CLSTN1: variants seen among roughly 807,000 people sequenced by gnomAD.
CLSTN1 encodes calsyntenin 1.
A neutral mutation model predicts 108.3 loss-of-function variants in CLSTN1; 28 were observed. The observed-to-expected ratio is 0.26, with a 90% CI of 0.19 to 0.35. The LOEUF (loss-of-function observed/expected upper bound fraction) is 0.35, where lower values mean the gene tolerates loss of function less well. CLSTN1 is among the 10% of genes least tolerant of loss of function. CLSTN1 has a pLI of 1.00. For missense variants in CLSTN1, 1,157 were observed against 1,302.6 expected (o/e 0.89, Z 1.72); for synonymous variants, 524 against 534.9 (o/e 0.98, Z 0.28).
rs1441330789 is a variant in CLSTN1, at chr1:9,741,078, G to A, written c.1519+16C>T. 2 of 1,608,368 alleles carry A rather than the reference G, an allele frequency of 1.2e-6. No homozygotes were observed. Among genetic ancestry groups the A allele is most frequent in the African/African-American group, 1.3e-5 (1 of 74,786 alleles). On this transcript the variant is annotated intron_variant, in intron 10 of 18. Coordinates refer to ENST00000377298, the MANE Select transcript of CLSTN1 (RefSeq NM_001009566.3). ...ACTTAATTCTCGAGTCGAGGGCGGG[G>A]GGTAATGACAGGTACCTTGCCAGCA...
upstream of CLSTN1, chr1:9,824,216 A>C (rs991387395): frequency 1.3e-5 from 2 of 148,572 alleles, no homozygotes; most frequent in African/African-American, 5.0e-5. The surrounding 1 kb of genome is among the most constrained non-coding windows in gnomAD (Gnocchi z 5.0). Context: ...GTGGGTTCCG[A>C]GCGGCCGGGA....
intron 4 of CLSTN1, 83 bp from the exon 5 acceptor site, chr1:9,751,764 C>A (rs1651572759): frequency 8.5e-7 from 1 of 1,180,170 alleles, no homozygotes; most frequent in South Asian, 1.4e-5. Flanking sequence ...TGTGTTTACC[C>A]AATTCTGCCC....
chr1:9,798,159 G>C, intron 1 of CLSTN1, among the ~76,000 whole-genome samples: 1 of 124,220 alleles, frequency 8.1e-6, no homozygotes, highest in Admixed American at 8.5e-5. Context: ...AGAGGGAGGG[G>C]GAGGGGAAGA....
At chr1:9,743,811 G>GCCT in intron 9 of CLSTN1, 73 bp downstream of exon 9, 2 of 1,556,256 alleles carry the variant, frequency 1.3e-6, no homozygotes, top group Non-Finnish European at 1.8e-6. Flanking sequence ...TCGTGCCCCA[G>GCCT]CCTCCCAAAG....
chr1:9,806,440 AG>A (rs1261284416), intron 1 of CLSTN1, among the ~76,000 whole-genome samples: 1 of 152,198 alleles, frequency 6.6e-6, no homozygotes, highest in African/African-American at 2.4e-5. Context: ...CATCCCTCTA[AG>A]GGATTAGTTT....
At chr1:9,760,646 A>C (rs1419758864) in intron 2 of CLSTN1, among the ~76,000 whole-genome samples, 2 of 145,770 alleles carry the variant, frequency 1.4e-5, no homozygotes, top group Admixed American at 6.9e-5. Context: ...CAGCCTCCCG[A>C]GTAGCTCAGA....
chr1:9,764,029 G>A (rs1352588281), intron 2 of CLSTN1, among the ~76,000 whole-genome samples: 1 of 152,086 alleles, frequency 6.6e-6, no homozygotes, highest in Non-Finnish European at 1.5e-5. Context: ...CATCTGATGA[G>A]GGCCTCAGGC....
chr1:9,736,020 C>G lies in CLSTN1; in HGVS notation c.1599G>C (p.Gln533His). 1 of 1,614,200 alleles carries G rather than the reference C, an allele frequency of 6.2e-7. No homozygotes were observed. The highest frequency in any genetic ancestry group is 8.5e-7 in the Non-Finnish European group (1 of 1,180,030). The change falls in exon 12 of 19, where the codon CAG becomes CAC. Residue 533 changes from glutamine (Q) to histidine (H), a missense_variant. Physicochemically the swap from Gln to His is conservative, Grantham distance 24. Transcript: ENST00000377298. ...AGCCAGCCAGATTGCCTCGGAAAAA[C>G]TGGGTCATGTGCAGGTCGCCACCTT... ...ASAGGDLHMT[Q>H]FFRGNLAGLT...
chr1:9,777,893 A>G lies in CLSTN1; in HGVS notation c.92-4499T>C, dbSNP rs141676995. Among the ~76,000 whole-genome samples, 337 of 152,238 alleles carry G rather than the reference A, an allele frequency of 2.2e-3. 1 individual carries two copies. Among genetic ancestry groups the G allele is most frequent in the African/African-American group, 7.8e-3 (326 of 41,548 alleles). On this transcript the variant is annotated intron_variant, in intron 1 of 18. Coordinates refer to ENST00000377298, the MANE Select transcript of CLSTN1 (RefSeq NM_001009566.3). ...CCTGCCAGGGTTTCAGGGACTCAGT[A>G]TCTCACTCGGGCTCTGTTGAAAAGG...
At chr1:9,748,081 GGTT>G (rs1468329184) in intron 7 of CLSTN1, among the ~76,000 whole-genome samples, 2 of 151,866 alleles carry the variant, frequency 1.3e-5, no homozygotes, top group African/African-American at 4.8e-5. Context: ...TAAATCTCAT[GGTT>G]GTTATCAGGC....
At chr1:9,762,888 T>C (rs1652152433) in intron 2 of CLSTN1, among the ~76,000 whole-genome samples, 1 of 152,232 alleles carries the variant, frequency 6.6e-6, no homozygotes. Context: ...TCTGGCTTTC[T>C]TGCTTACTGG....
intron 16 of CLSTN1, among the ~76,000 whole-genome samples, chr1:9,732,228 C>T (rs1011046444): frequency 2.0e-5 from 3 of 152,072 alleles, no homozygotes; most frequent in African/African-American, 7.2e-5. Context: ...TGCTGTGTTG[C>T]CCGGGCTGGA....
At chr1:9,812,210 G>C (rs1207861758) in intron 1 of CLSTN1, among the ~76,000 whole-genome samples, 1 of 152,120 alleles carries the variant, frequency 6.6e-6, no homozygotes, top group Non-Finnish European at 1.5e-5. Context: ...CACAACCCTA[G>C]TCTTCTGTGA....
intron 1 of CLSTN1, among the ~76,000 whole-genome samples, chr1:9,794,933 T>C (rs1233298812): frequency 1.3e-5 from 2 of 151,134 alleles, no homozygotes; most frequent in Non-Finnish European, 2.9e-5. Context: ...ATGGCATTCA[T>C]TATCAATGCC....
At position 9,735,059 on chromosome 1, in the gene CLSTN1, C is replaced by T; in HGVS notation, c.1999G>A (p.Ala667Thr). ...CCTTCTGAGCTTTCAAATTCAGAAG[C>T]TGCTCGGGCAAAATGGTGGACGCCA... ...LSGVHHFARA[A>T]SEFESSEGVF... The change falls in exon 14 of 19, where the codon GCT (alanine) becomes ACT (threonine). Residue 667 changes from alanine to threonine, a missense_variant. By Grantham distance (58) the Ala-to-Thr change is moderately conservative. Transcript: ENST00000377298. The T allele has an allele frequency of 1.2e-6, 2 of 1,614,238 alleles. No homozygotes were observed. The highest frequency in any genetic ancestry group is 1.7e-6 in the Non-Finnish European group (2 of 1,180,040).
At chr1:9,792,923 CAG>C (rs1334496824) in intron 1 of CLSTN1, among the ~76,000 whole-genome samples, 1 of 151,362 alleles carries the variant, frequency 6.6e-6, no homozygotes, top group Non-Finnish European at 1.5e-5. Flanking sequence ...GGGGAAGAGA[CAG>C]AGGTGGACAG....
intron 5 of CLSTN1, among the ~76,000 whole-genome samples, chr1:9,750,779 G>A (rs1398044899): frequency 1.3e-5 from 2 of 151,052 alleles, no homozygotes; most frequent in South Asian, 2.1e-4. Context: ...GGCCAGGCGC[G>A]GTGGCTCACA....
intron 1 of CLSTN1, among the ~76,000 whole-genome samples, chr1:9,778,051 C>T (rs937124548): frequency 4.6e-5 from 7 of 152,206 alleles, no homozygotes; most frequent in South Asian, 2.1e-4. Context: ...AAAGGGCCCG[C>T]GACCTCAGGG....
chr1:9,770,421 C>T (rs1355696026), intron 2 of CLSTN1, among the ~76,000 whole-genome samples: 2 of 152,204 alleles, frequency 1.3e-5, no homozygotes, highest in African/African-American at 4.8e-5. Flanking sequence ...ACTCGGCGTA[C>T]ATTTCATTTC....
Sources: allele counts gnomAD v4.1 joint callset (sites outside exome capture counted in the v4.1 genomes callset), GRCh38; gene constraint gnomAD v4.1.1; non-coding constraint Gnocchi (gnomAD v3.1); transcripts MANE v1.5; gene names NCBI Gene and HGNC (gene_info 2026-07-23, HGNC 2026-07-21).